The following AFAP1L2 variants were observed in gnomAD, a reference collection of about 807,000 sequenced individuals.
The protein encoded by AFAP1L2 is actin filament associated protein 1 like 2.
Under a neutral mutation model 99.3 loss-of-function variants are expected in AFAP1L2, and 46 were observed. That is an observed-to-expected ratio of 0.46 (90% confidence interval 0.37 to 0.59). AFAP1L2 has a LOEUF of 0.59. Ranked by LOEUF, AFAP1L2 falls within the 20% of genes least tolerant of loss-of-function variation. AFAP1L2 has a pLI of 0.00. For synonymous variants in AFAP1L2, 397 were observed against 419.1 expected (o/e 0.95, Z 0.64); for missense variants, 959 against 1,034.9 (o/e 0.93, Z 1.01).
intron 1 of AFAP1L2, among the ~76,000 whole-genome samples, chr10:114,363,692 C>G (rs746450492): frequency 6.6e-6 from 1 of 152,160 alleles, no homozygotes; most frequent in Non-Finnish European, 1.5e-5. Context: ...GCTCACCCAC[C>G]ACCTCTGGGA....
At chr10:114,325,963 A>T (rs942905508) in intron 4 of AFAP1L2, 1 of 1,289,110 alleles carries the variant, frequency 7.8e-7, no homozygotes, top group Non-Finnish European at 1.0e-6. Flanking sequence ...AGCCTCCAAG[A>T]AACTCCGTTC....
chr10:114,376,870 G>A (rs2054875326), intron 1 of AFAP1L2, among the ~76,000 whole-genome samples: 1 of 152,176 alleles, frequency 6.6e-6, no homozygotes. Flanking sequence ...GCTAGAGACT[G>A]AGAAACCACT....
chr10:114,357,832 T>G (rs2051621988), intron 1 of AFAP1L2, among the ~76,000 whole-genome samples: 1 of 152,254 alleles, frequency 6.6e-6, no homozygotes, highest in African/African-American at 2.4e-5. Flanking sequence ...TCAGCTCCTG[T>G]CCTTCCAACC....
At chr10:114,328,572 C>T (rs1024061992) in intron 4 of AFAP1L2, among the ~76,000 whole-genome samples, 4 of 152,216 alleles carry the variant, frequency 2.6e-5, no homozygotes, top group Non-Finnish European at 5.9e-5. Flanking sequence ...CTGCTGTCTA[C>T]ACAGCCAGGT....
intron 4 of AFAP1L2, chr10:114,325,975 C>A: frequency 7.8e-7 from 1 of 1,289,290 alleles, no homozygotes; most frequent in Non-Finnish European, 1.0e-6. Context: ...ACTCCGTTCC[C>A]GTCAGGTGGG....
Position 114,295,028 on chromosome 10 carries a change from A to AAG in AFAP1L2, c.*1013_*1014insCT, listed in dbSNP as rs2133820448. ...TTTCAACCTGTGTTAAAAAAAAAAA[A>AAG]AAAAAAATGCCATCAGAGGAAAAGA... On this transcript the variant is annotated 3_prime_UTR_variant, in exon 19 of 19. Coordinates refer to ENST00000304129, the MANE Select transcript of AFAP1L2 (RefSeq NM_001001936.3). 1 of 985,204 alleles carries AAG rather than the reference A, an allele frequency of 1.0e-6. No individual in the cohort carries two copies. Among genetic ancestry groups the AAG allele is most frequent in the African/African-American group, 1.7e-5 (1 of 57,232 alleles). The allele number at this position is 985,204 out of a possible 1,614,324, so 61.0% of individuals were successfully genotyped here. A position where few individuals can be genotyped will look rare whatever the true frequency, so the allele number is the denominator to read the frequency against.
rs149120116 is a variant in AFAP1L2, at chr10:114,310,370, C to A, written c.866G>T (p.Arg289Leu). The change falls in exon 8 of 19, where the codon CGC becomes CTC. Residue 289 changes from arginine to leucine, a missense_variant. By Grantham distance (102) the Arg-to-Leu change is moderately radical. Transcript: ENST00000304129. ...GAGGCTTACTTTCTGGCAGTTAAAG[C>A]GCTGGGCATCCGGGGTGTACTGGTT... The part of the protein sequence containing the change: ...EGNQYTPDAQ[R>L]FNCQKPDIAE... 4 of 1,613,686 alleles carry A rather than the reference C, an allele frequency of 2.5e-6. No individual in the cohort carries two copies. The highest frequency in any genetic ancestry group is 3.4e-6 in the Non-Finnish European group (4 of 1,179,864).
chr10:114,314,229 T>G (rs939242038), intron 6 of AFAP1L2, among the ~76,000 whole-genome samples, 179 bp from the exon 7 acceptor site: 4 of 152,118 alleles, frequency 2.6e-5, no homozygotes, highest in African/African-American at 9.7e-5. Flanking sequence ...TATCAGCAAC[T>G]CCTGTTCTTC....
chr10:114,401,780 C>T (rs1287535007), intron 1 of AFAP1L2, among the ~76,000 whole-genome samples: 1 of 152,150 alleles, frequency 6.6e-6, no homozygotes, highest in East Asian at 1.9e-4. Context: ...ACTTTACATC[C>T]TACAAGACAA....
At chr10:114,312,234 AGTGTGTGTGTGTGT>A (rs58275552) in intron 7 of AFAP1L2, among the ~76,000 whole-genome samples, 83,460 of 145,448 alleles carry the variant, frequency 0.57, 27,590 homozygotes, top group Non-Finnish European at 0.73. Context: ...GCAAGAGCAG[AGTGTGTGTGTGTGT>A]GTGTGTGTGT....
chr10:114,290,415 G>A, downstream of AFAP1L2: 1 of 1,540,324 alleles, frequency 6.5e-7, no homozygotes, highest in South Asian at 1.2e-5. Flanking sequence ...GGTATTGCGA[G>A]TCCTGCCAAG....
chr10:114,290,982 C>T (rs1439686151), downstream of AFAP1L2, among the ~76,000 whole-genome samples: 1 of 152,156 alleles, frequency 6.6e-6, no homozygotes, highest in Non-Finnish European at 1.5e-5. Flanking sequence ...AGCCAGAAAT[C>T]AGAAGACAAG....
In AFAP1L2 at chr10:114,304,871, T is replaced by A. The variant is rs1210858487; in HGVS notation, c.1132A>T (p.Asn378Tyr). Residue 378 changes from asparagine (N) to tyrosine (Y), a missense_variant, in exon 11 of 19, where the codon AAT becomes TAT. Around this residue, in one of 2 missense-constraint regions of AFAP1L2, gnomAD observed 576 missense variants for 562.1 expected, o/e 1.02. Coordinates refer to ENST00000304129, the MANE Select transcript of AFAP1L2 (RefSeq NM_001001936.3). Reference sequence around the variant, plus strand: ...CGGTCCTGGTAGAAGTGCAGGTGATTGTCCCTGACAGAGCACCAGCGAGAC... The same window carrying A: ...CGGTCCTGGTAGAAGTGCAGGTGATAGTCCCTGACAGAGCACCAGCGAGAC... ...WKSRWCSVRD[N>Y]HLHFYQDRNR... 8 of 1,613,332 alleles carry A rather than the reference T, an allele frequency of 5.0e-6. No homozygotes were observed. The highest frequency in any genetic ancestry group is 6.8e-6 in the Non-Finnish European group (8 of 1,180,026).
In AFAP1L2 at chr10:114,295,274, C is replaced by CAA. The variant is rs1005750685; in HGVS notation, c.*766_*767dup. 2 of 984,854 alleles carry CAA rather than the reference C, an allele frequency of 2.0e-6. No individual in the cohort carries two copies. Among genetic ancestry groups the CAA allele is most frequent in the East Asian group, 2.3e-4 (2 of 8,822 alleles). The allele number at this position is 984,854 out of a possible 1,614,324, so 61.0% of individuals were successfully genotyped here. On this transcript the variant is annotated 3_prime_UTR_variant, in exon 19 of 19. Transcript: ENST00000304129. Reference sequence around the variant, plus strand: ...CTACAGTAAAGAGTCACTTTAATCTCAAAAGATACTTTTCACTGTTCTAAA... The same window carrying CAA: ...CTACAGTAAAGAGTCACTTTAATCTCAAAAAAGATACTTTTCACTGTTCTAAA...
chr10:114,360,447 C>G (rs996015032), intron 1 of AFAP1L2, among the ~76,000 whole-genome samples: 11 of 151,114 alleles, frequency 7.3e-5, no homozygotes, highest in African/African-American at 2.7e-4. Flanking sequence ...TATAAGAAAT[C>G]TCTTCCCAAA....
intron 4 of AFAP1L2, among the ~76,000 whole-genome samples, chr10:114,323,606 G>A (rs1443177343): frequency 6.6e-6 from 1 of 152,184 alleles, no homozygotes; most frequent in African/African-American, 2.4e-5. Context: ...CGGCTGTTGG[G>A]ATAGCTATTG....
chr10:114,404,197 C>T (rs999612074), intron 1 of AFAP1L2, among the ~76,000 whole-genome samples: 5 of 152,178 alleles, frequency 3.3e-5, no homozygotes, highest in Admixed American at 6.5e-5. Flanking sequence ...ACGCCCCCCA[C>T]TGACGACCCC....
chr10:114,335,544 C>A (rs1454083076), intron 2 of AFAP1L2, among the ~76,000 whole-genome samples: 1 of 148,306 alleles, frequency 6.7e-6, no homozygotes, highest in African/African-American at 2.5e-5. Context: ...ACCCAGGAGG[C>A]AGAGCTTGCA....
chr10:114,365,867 CA>C (rs1162475459), intron 1 of AFAP1L2, among the ~76,000 whole-genome samples: 1 of 151,970 alleles, frequency 6.6e-6, no homozygotes, highest in Non-Finnish European at 1.5e-5. Context: ...GCTAGGACTA[CA>C]TACAGCATGG....
Sources: gnomAD v4.1 joint callset for allele counts (sites outside exome capture counted in the v4.1 genomes callset) on GRCh38, gnomAD v4.1.1 for gene constraint, gnomAD v4.1.1 regional missense constraint, MANE v1.5 for transcripts, NCBI Gene and HGNC (gene_info 2026-07-23, HGNC 2026-07-21) for gene names.